Variants in MYO9A observed in about 807,000 individuals in gnomAD.
MYO9A encodes the protein myosin IXA.
Under a neutral mutation model 293.3 loss-of-function variants are expected in MYO9A, and 103 were observed. The observed-to-expected ratio is 0.35, with a 90% confidence interval of 0.30 to 0.41. The LOEUF is 0.41. Ranked by LOEUF, MYO9A falls within the 10% of genes least tolerant of loss-of-function variation. The pLI is 1.00. For synonymous variants in MYO9A, 1,001 were observed against 1,035.7 expected (o/e 0.97, Z 0.64); for missense variants, 2,685 against 3,033.0 (o/e 0.89, Z 2.69).
At chr15:71,906,421 A>G (rs1252396695) in intron 19 of MYO9A, among the ~76,000 whole-genome samples, 4 of 152,198 alleles carry the variant, frequency 2.6e-5, no homozygotes, top group African/African-American at 7.2e-5. Context: ...GTTTCCAAGC[A>G]TAACTGCAGA....
At chr15:71,901,019 T>C (rs1228789502) in intron 23 of MYO9A, among the ~76,000 whole-genome samples, 172 bp downstream of exon 23, 2 of 152,260 alleles carry the variant, frequency 1.3e-5, no homozygotes, top group Non-Finnish European at 2.9e-5. Context: ...TAGTCTATTA[T>C]ATGCCAGATA....
intron 1 of MYO9A, among the ~76,000 whole-genome samples, chr15:72,109,195 CCTGA>C (rs1455384638): frequency 2.6e-5 from 4 of 151,990 alleles, no homozygotes; most frequent in Admixed American, 2.6e-4. Context: ...TCGAGACCAT[CCTGA>C]CTAACACCGT....
intron 11 of MYO9A, among the ~76,000 whole-genome samples, chr15:71,983,372 G>C (rs1044634622): frequency 6.7e-6 from 1 of 149,386 alleles, no homozygotes; most frequent in Non-Finnish European, 1.5e-5. Flanking sequence ...AAAGATCTTA[G>C]AGTATCTTAA....
At chr15:72,038,781 G>A (rs924131134) in intron 2 of MYO9A, among the ~76,000 whole-genome samples, 7 of 152,158 alleles carry the variant, frequency 4.6e-5, no homozygotes, top group Non-Finnish European at 7.3e-5. Context: ...GTATTATGAC[G>A]TGAGAGAAAT....
intron 1 of MYO9A, among the ~76,000 whole-genome samples, chr15:72,076,107 C>T (rs2079342522): frequency 6.6e-6 from 1 of 152,074 alleles, no homozygotes; most frequent in Non-Finnish European, 1.5e-5. Context: ...AGTTTGAGAC[C>T]AGCCTGGCCA....
intron 25 of MYO9A, among the ~76,000 whole-genome samples, chr15:71,895,572 T>G (rs895669641): frequency 4.6e-5 from 7 of 152,168 alleles, no homozygotes; most frequent in Non-Finnish European, 1.0e-4. Flanking sequence ...CTGTAACATG[T>G]GGGAACTGGA....
At chr15:71,844,311 A>G (rs1838919470) in intron 39 of MYO9A, among the ~76,000 whole-genome samples, 1 of 152,202 alleles carries the variant, frequency 6.6e-6, no homozygotes, top group Admixed American at 6.5e-5. Context: ...TCAATCACCT[A>G]ATCATATAGA....
At chr15:72,062,861 A>T (rs1338462313) in intron 1 of MYO9A, among the ~76,000 whole-genome samples, 4 of 152,102 alleles carry the variant, frequency 2.6e-5, no homozygotes, top group Non-Finnish European at 5.9e-5. Flanking sequence ...CTACAAGATA[A>T]ATATTTTTTA....
chr15:71,830,285 G>C lies in MYO9A; in HGVS notation c.6864C>G (p.Asn2288Lys). Residue 2288 changes from asparagine (N) to lysine (K), a missense_variant, in exon 40 of 42, where the codon AAC becomes AAG. By Grantham distance (94) the Asn-to-Lys change is moderately conservative. Around this residue, in one of 10 missense-constraint regions of MYO9A, gnomAD observed 350 missense variants for 328.9 expected, o/e 1.06. Transcript: ENST00000356056. Reference protein sequence around the residue: ...SMGKGRIRRGNYPGPSSPVVV... With the variant: ...SMGKGRIRRGKYPGPSSPVVV... ...CAACAGGAGACGATGGACCTGGATA[G>C]TTTCCTCGACGAATACGCCCCTTTC... 2 of 1,613,706 alleles carry C rather than the reference G, an allele frequency of 1.2e-6. No individual in the cohort carries two copies. Among genetic ancestry groups the C allele is most frequent in the Non-Finnish European group, 8.5e-7 (1 of 1,179,908 alleles).
chr15:71,941,534 G>A (rs1310595641), intron 15 of MYO9A, among the ~76,000 whole-genome samples: 1 of 152,032 alleles, frequency 6.6e-6, no homozygotes, highest in Non-Finnish European at 1.5e-5. Flanking sequence ...ATCTTGAGAT[G>A]GTATCAAATA....
intron 37 of MYO9A, among the ~76,000 whole-genome samples, 162 bp from the exon 38 acceptor site, chr15:71,850,329 GTTGTTCCT>G (rs1401987906): frequency 3.3e-5 from 5 of 152,114 alleles, no homozygotes; most frequent in Admixed American, 6.6e-5. Flanking sequence ...CTTTTCCCAA[GTTGTTCCT>G]TTGTTCCTTT....
intron 1 of MYO9A, among the ~76,000 whole-genome samples, chr15:72,048,419 GAAAT>G (rs1209243700): frequency 6.6e-6 from 1 of 151,560 alleles, no homozygotes; most frequent in Non-Finnish European, 1.5e-5. Flanking sequence ...AATTAAAAAA[GAAAT>G]AAACTAGTGA....
chr15:72,067,664 T>C (rs917006454), intron 1 of MYO9A, among the ~76,000 whole-genome samples: 1 of 152,224 alleles, frequency 6.6e-6, no homozygotes. Context: ...GGACGCCACA[T>C]GGAGACTAGA....
At position 71,899,681 on chromosome 15, in the gene MYO9A, G is replaced by A; in HGVS notation, c.3470+6C>T. The stretch of plus-strand genomic sequence containing the variant: ...AAAAAGCAATTATTATAGTAATAGA[G>A]ATTACCTTTGTCTTGCTCTGAATCC... On this transcript the variant is annotated splice_donor_region_variant and intron_variant, in intron 24 of 41. Coordinates refer to ENST00000356056, the MANE Select transcript of MYO9A (RefSeq NM_006901.4). The A allele has an allele frequency of 1.2e-6, 2 of 1,603,956 alleles. No individual in the cohort carries two copies. The highest frequency in any genetic ancestry group is 1.7e-6 in the Non-Finnish European group (2 of 1,175,004).
At position 71,823,043 on chromosome 15, in the gene MYO9A, T is replaced by G. The variant is rs936141942; in HGVS notation, c.*3537A>C. ...GTTGTCACAAGAGTATGGGTGGACA[T>G]AACACATTTGTCCATACAGAATGAT... On this transcript the variant is annotated 3_prime_UTR_variant, in exon 42 of 42. Coordinates refer to ENST00000356056, the MANE Select transcript of MYO9A (RefSeq NM_006901.4). 2 of 152,004 alleles carry G rather than the reference T, an allele frequency of 1.3e-5. No homozygotes were observed. Among genetic ancestry groups the G allele is most frequent in the Non-Finnish European group, 2.9e-5 (2 of 68,034 alleles). The allele number at this position is 152,004 out of a possible 1,614,324, so 9.4% of individuals were successfully genotyped here. A position where few individuals can be genotyped will look rare whatever the true frequency, so the allele number is the denominator to read the frequency against.
chr15:72,040,455 C>T (rs1450027313), intron 2 of MYO9A, among the ~76,000 whole-genome samples: 1 of 152,148 alleles, frequency 6.6e-6, no homozygotes, highest in African/African-American at 2.4e-5. Flanking sequence ...GACTTGGGAT[C>T]AAATTAGTGA....
chr15:71,956,318 AAAAAAAAAAAAAATAT>A (rs576748343), intron 14 of MYO9A, among the ~76,000 whole-genome samples: 527 of 36,858 alleles, frequency 0.014, 24 homozygotes, highest in Admixed American at 0.14. Context: ...CTTAAAAAAA[AAAAAAAAAAAAAATAT>A]ATATATATAT....
intron 8 of MYO9A, among the ~76,000 whole-genome samples, chr15:72,003,718 A>T (rs533359958): frequency 2.6e-4 from 39 of 152,016 alleles, no homozygotes; most frequent in Admixed American, 8.5e-4. Context: ...AAAAAAAAAA[A>T]AAATAAGAAC....
At chr15:72,090,737 C>T (rs568548161) in intron 1 of MYO9A, among the ~76,000 whole-genome samples, 1 of 152,242 alleles carries the variant, frequency 6.6e-6, no homozygotes, top group African/African-American at 2.4e-5. Flanking sequence ...CCTACCATTA[C>T]ACTTACTAGC....
Sources: allele counts gnomAD v4.1 joint callset (sites outside exome capture counted in the v4.1 genomes callset), GRCh38; gene constraint gnomAD v4.1.1; regional missense constraint gnomAD v4.1.1; transcripts MANE v1.5; gene names NCBI Gene and HGNC (gene_info 2026-07-23, HGNC 2026-07-21).